NUBPL: variants seen among roughly 807,000 people sequenced by gnomAD.
The protein encoded by NUBPL is iron-sulfur cluster transfer protein NUBPL.
NUBPL carries 31 observed loss-of-function variants against 45.7 expected under a neutral mutation model. The ratio of observed to expected loss-of-function variants is 0.68; its 90% CI spans 0.51 to 0.92. The LOEUF is 0.92. Among genes scored for constraint, NUBPL ranks in the 40% least tolerant of loss-of-function variants. The pLI is 0.00. For synonymous variants in NUBPL, 144 were observed against 140.9 expected, an observed-to-expected ratio of 1.02 and a Z score of -0.15; for missense variants, 401 against 398.7, an observed-to-expected ratio of 1.01 and a Z score of -0.05.
intron 6 of NUBPL, among the ~76,000 whole-genome samples, chr14:31,730,081 T>C (rs1432970111): frequency 6.6e-6 from 1 of 152,220 alleles, no homozygotes; most frequent in African/African-American, 2.4e-5. Context: ...GTTGATATCA[T>C]GGCAGTACGG....
intron 6 of NUBPL, among the ~76,000 whole-genome samples, chr14:31,767,209 T>C (rs995792355): frequency 1.3e-5 from 2 of 152,168 alleles, no homozygotes; most frequent in Non-Finnish European, 2.9e-5. Context: ...ATTTATTTTA[T>C]GTATTTTTTG....
intron 4 of NUBPL, among the ~76,000 whole-genome samples, chr14:31,633,210 C>A (rs1408542872): frequency 1.3e-5 from 2 of 152,178 alleles, no homozygotes; most frequent in Non-Finnish European, 2.9e-5. Context: ...TTTGACCTAC[C>A]TCTCTGCAGC....
chr14:31,641,240 G>A (rs577923806), intron 4 of NUBPL, among the ~76,000 whole-genome samples: 45 of 152,162 alleles, frequency 3.0e-4, no homozygotes, highest in East Asian at 7.7e-4. Context: ...ATGAGCCACC[G>A]CGCCTGGCCA....
intron 6 of NUBPL, among the ~76,000 whole-genome samples, chr14:31,736,167 CA>C (rs969884949): frequency 2.8e-4 from 42 of 152,222 alleles, no homozygotes; most frequent in African/African-American, 9.6e-4. Flanking sequence ...TATATAAAGC[CA>C]AATTGCTTCC....
chr14:31,678,061 G>A (rs1246158779), intron 6 of NUBPL, among the ~76,000 whole-genome samples: 1 of 152,182 alleles, frequency 6.6e-6, no homozygotes, highest in Non-Finnish European at 1.5e-5. Flanking sequence ...ACAGGCAGAG[G>A]AGCCTCACTC....
intron 7 of NUBPL, among the ~76,000 whole-genome samples, chr14:31,818,271 T>A (rs541804038): frequency 6.6e-6 from 1 of 152,156 alleles, no homozygotes; most frequent in South Asian, 2.1e-4. Flanking sequence ...TTAACAAGGG[T>A]ATTCAGGACT....
At chr14:31,686,170 C>A (rs1393474640) in intron 6 of NUBPL, among the ~76,000 whole-genome samples, 1 of 152,182 alleles carries the variant, frequency 6.6e-6, no homozygotes, top group Non-Finnish European at 1.5e-5. Context: ...TTTTCAATAA[C>A]TCTTTGAAGC....
chr14:31,694,506 A>G (rs541497847), intron 6 of NUBPL, among the ~76,000 whole-genome samples: 4 of 152,254 alleles, frequency 2.6e-5, no homozygotes, highest in African/African-American at 9.6e-5. Context: ...TTACAGCAAC[A>G]TACATACATA....
At chr14:31,564,978 GT>G in intron 2 of NUBPL, 35 bp from the exon 3 acceptor site, 1 of 1,266,592 alleles carries the variant, frequency 7.9e-7, no homozygotes, top group South Asian at 1.4e-5. Flanking sequence ...TAGAAGGAAA[GT>G]TACTAAATTC....
Position 31,748,309 on chromosome 14 carries a change from A to G in NUBPL, c.514-39471A>G, listed in dbSNP as rs1188038763. ...ATGAAATGTTCTGTTAATGTTTGTT[A>G]GGTCCATTTGGTCTATAGTACAGTT... On this transcript the variant is annotated intron_variant, in intron 6 of 10. Coordinates refer to ENST00000281081, the MANE Select transcript of NUBPL (RefSeq NM_025152.3). Among the ~76,000 whole-genome samples the G allele has an allele frequency of 2.6e-5, 4 of 152,180 alleles. No individual in the cohort carries two copies. In the East Asian group the frequency reaches 7.7e-4, roughly 29 times the overall value.
chr14:31,645,531 G>A (rs1397359330), intron 4 of NUBPL, among the ~76,000 whole-genome samples: 1 of 152,062 alleles, frequency 6.6e-6, no homozygotes, highest in African/African-American at 2.4e-5. Context: ...TGGTTGACTT[G>A]TAACTCCTCT....
At chr14:31,588,126 C>T (rs1399931240) in intron 3 of NUBPL, among the ~76,000 whole-genome samples, 2 of 152,178 alleles carry the variant, frequency 1.3e-5, no homozygotes, top group African/African-American at 4.8e-5. Context: ...CTCTGAAGCC[C>T]TGTTGCCTGG....
At chr14:31,656,689 A>G (rs1209526244) in intron 4 of NUBPL, among the ~76,000 whole-genome samples, 1 of 152,136 alleles carries the variant, frequency 6.6e-6, no homozygotes, top group Non-Finnish European at 1.5e-5. Context: ...ATGGTGCCCC[A>G]CAACAATTAC....
At chr14:31,671,433 A>T (rs1364914203) in intron 4 of NUBPL, among the ~76,000 whole-genome samples, 1 of 152,220 alleles carries the variant, frequency 6.6e-6, no homozygotes, top group Non-Finnish European at 1.5e-5. Flanking sequence ...ATTATAATTA[A>T]ATTGGGTTTA....
At chr14:31,657,388 G>C (rs556460307) in intron 4 of NUBPL, among the ~76,000 whole-genome samples, 18 of 152,272 alleles carry the variant, frequency 1.2e-4, no homozygotes, top group African/African-American at 3.9e-4. Context: ...ATTGAAAAGA[G>C]TTTGCCTCTA....
At chr14:31,857,570 A>C (rs1233193475) in intron 10 of NUBPL, among the ~76,000 whole-genome samples, 1 of 152,184 alleles carries the variant, frequency 6.6e-6, no homozygotes, top group Non-Finnish European at 1.5e-5. Context: ...ATAAAACTGA[A>C]TACCTTTAAC....
intron 6 of NUBPL, among the ~76,000 whole-genome samples, chr14:31,732,245 C>G (rs1438937272): frequency 2.0e-5 from 3 of 150,834 alleles, no homozygotes; most frequent in Non-Finnish European, 4.4e-5. Flanking sequence ...GGTTCTAGAT[C>G]TGCTACTACT....
chr14:31,596,178 C>T (rs1234186195), intron 3 of NUBPL, among the ~76,000 whole-genome samples: 1 of 152,110 alleles, frequency 6.6e-6, no homozygotes, highest in Non-Finnish European at 1.5e-5. Flanking sequence ...GCTGGGATTA[C>T]AGGCGTGAGC....
chr14:31,563,422 G>A (rs866655070), intron 2 of NUBPL, among the ~76,000 whole-genome samples: 13 of 152,276 alleles, frequency 8.5e-5, no homozygotes, highest in Middle Eastern at 3.4e-3. Context: ...ATGAGAAAGT[G>A]TACAACATGT....
Sources: gnomAD v4.1 joint callset for allele counts (sites outside exome capture counted in the v4.1 genomes callset) on GRCh38, gnomAD v4.1.1 for gene constraint, MANE v1.5 for transcripts, NCBI Gene and HGNC (gene_info 2026-07-23, HGNC 2026-07-21) for gene names.